The following ST6GALNAC3 variants were observed in gnomAD, a reference collection of about 807,000 sequenced individuals.
ST6GALNAC3 encodes the protein ST6 N-acetylgalactosaminide alpha-2,6-sialyltransferase 3.
Under a neutral mutation model 32.7 loss-of-function variants are expected in ST6GALNAC3, and 25 were observed. That is an observed-to-expected ratio of 0.76 (90% CI 0.56 to 1.07). ST6GALNAC3 has a LOEUF of 1.07. Ranked by LOEUF, ST6GALNAC3 falls within the 50% of genes least tolerant of loss-of-function variation. The pLI is 0.00. For synonymous variants in ST6GALNAC3, 129 were observed against 133.1 expected (o/e 0.97, Z 0.21); for missense variants, 355 against 382.4 (o/e 0.93, Z 0.60).
chr1:76,174,450 A>C (rs1431637818), intron 1 of ST6GALNAC3, among the ~76,000 whole-genome samples: 1 of 151,928 alleles, frequency 6.6e-6, no homozygotes, highest in Non-Finnish European at 1.5e-5. Context: ...TTTTAGAAGA[A>C]ATAAAAAAAT....
At chr1:76,209,849 C>T (rs1293309337) in intron 1 of ST6GALNAC3, among the ~76,000 whole-genome samples, 1 of 152,180 alleles carries the variant, frequency 6.6e-6, no homozygotes, top group Admixed American at 6.5e-5. Context: ...AATCTAAGCC[C>T]CACTCTCTCT....
At chr1:76,184,519 G>GCACACACACACACACACACA (rs71071992) in intron 1 of ST6GALNAC3, among the ~76,000 whole-genome samples, 15 of 134,176 alleles carry the variant, frequency 1.1e-4, no homozygotes, top group Admixed American at 4.6e-4. Flanking sequence ...CTCCTGGGCA[G>GCACACACACACACACACACA]CACACACACA....
chr1:76,091,775 A>G (rs1026448433), intron 1 of ST6GALNAC3, among the ~76,000 whole-genome samples: 6 of 152,236 alleles, frequency 3.9e-5, no homozygotes, highest in African/African-American at 1.2e-4. Context: ...TGGCTATACC[A>G]TGTAGCCTAG....
At chr1:76,350,575 A>C (rs1171423115) in intron 2 of ST6GALNAC3, among the ~76,000 whole-genome samples, 5 of 152,194 alleles carry the variant, frequency 3.3e-5, no homozygotes, top group Non-Finnish European at 7.4e-5. Flanking sequence ...TAATAAAAGA[A>C]TCATCAATAA....
At chr1:76,602,940 C>T (rs1647302038) in intron 3 of ST6GALNAC3, among the ~76,000 whole-genome samples, 1 of 152,076 alleles carries the variant, frequency 6.6e-6, no homozygotes, top group Middle Eastern at 3.4e-3. Flanking sequence ...AGAGGCATTT[C>T]ACAGAAGAAG....
intron 1 of ST6GALNAC3, among the ~76,000 whole-genome samples, chr1:76,157,038 G>T (rs1295796986): frequency 6.6e-6 from 1 of 151,624 alleles, no homozygotes; most frequent in African/African-American, 2.4e-5. Flanking sequence ...GCCAGCCCTG[G>T]CTCCTTTTAT....
At chr1:76,141,926 A>T (rs1411448138) in intron 1 of ST6GALNAC3, among the ~76,000 whole-genome samples, 2 of 152,196 alleles carry the variant, frequency 1.3e-5, no homozygotes, top group Admixed American at 1.3e-4. Context: ...ACAGGGAGGA[A>T]TATACTCACA....
At chr1:76,374,905 G>T (rs369976510) in intron 2 of ST6GALNAC3, among the ~76,000 whole-genome samples, 2 of 151,584 alleles carry the variant, frequency 1.3e-5, no homozygotes, top group Non-Finnish European at 2.9e-5. Context: ...ACCAAAAAAT[G>T]TTTTTTTTGT....
intron 3 of ST6GALNAC3, among the ~76,000 whole-genome samples, chr1:76,586,200 ATATT>A (rs1646960146): frequency 6.6e-6 from 1 of 152,216 alleles, no homozygotes; most frequent in Non-Finnish European, 1.5e-5. Flanking sequence ...TGTATAAACT[ATATT>A]TAGAAGTCTG....
At chr1:76,148,853 C>G (rs1161564468) in intron 1 of ST6GALNAC3, among the ~76,000 whole-genome samples, 1 of 152,182 alleles carries the variant, frequency 6.6e-6, no homozygotes, top group Non-Finnish European at 1.5e-5. Context: ...TAAGGATTAA[C>G]TAAATGAATG....
intron 2 of ST6GALNAC3, among the ~76,000 whole-genome samples, chr1:76,401,903 C>A (rs1316028057): frequency 6.6e-6 from 1 of 152,174 alleles, no homozygotes; most frequent in Non-Finnish European, 1.5e-5. Flanking sequence ...AGAAACAGAG[C>A]TCACCTATTC....
At chr1:76,468,128 C>T (rs1410508343) in intron 3 of ST6GALNAC3, among the ~76,000 whole-genome samples, 3 of 151,814 alleles carry the variant, frequency 2.0e-5, no homozygotes, top group Non-Finnish European at 4.4e-5. Context: ...CATCCCCCTA[C>T]CTTTCAATTC....
chr1:76,550,360 T>C (rs555860554), intron 3 of ST6GALNAC3, among the ~76,000 whole-genome samples: 1 of 152,308 alleles, frequency 6.6e-6, no homozygotes, highest in East Asian at 1.9e-4. Context: ...TCTAATTTTA[T>C]TTTATTTTTT....
chr1:76,440,370 A>G (rs539325851), intron 3 of ST6GALNAC3, among the ~76,000 whole-genome samples: 1 of 152,372 alleles, frequency 6.6e-6, no homozygotes, highest in East Asian at 1.9e-4. Context: ...GTTTTGTGAA[A>G]GAATGTAGCC....
chr1:76,141,435 G>A (rs1650313857), intron 1 of ST6GALNAC3, among the ~76,000 whole-genome samples: 1 of 152,056 alleles, frequency 6.6e-6, no homozygotes, highest in African/African-American at 2.4e-5. Context: ...ACACCTCCTA[G>A]GTCCTGCAAG....
At chr1:76,526,676 A>ACTTT (rs935400858) in intron 3 of ST6GALNAC3, among the ~76,000 whole-genome samples, 4 of 152,116 alleles carry the variant, frequency 2.6e-5, no homozygotes, top group Admixed American at 2.0e-4. Flanking sequence ...ACTTTCAGCT[A>ACTTT]CTTTCTTTCT....
chr1:76,544,138 A>G (rs1664155202), intron 3 of ST6GALNAC3, among the ~76,000 whole-genome samples: 1 of 151,558 alleles, frequency 6.6e-6, no homozygotes, highest in Non-Finnish European at 1.5e-5. Flanking sequence ...CAGGAAATAG[A>G]CATGGTTCTC....
At chr1:76,529,414 G>A (rs1016413568) in intron 3 of ST6GALNAC3, among the ~76,000 whole-genome samples, 1 of 152,086 alleles carries the variant, frequency 6.6e-6, no homozygotes, top group African/African-American at 2.4e-5. Context: ...AAGGTGAAGT[G>A]CTATATAAGT....
intron 3 of ST6GALNAC3, among the ~76,000 whole-genome samples, chr1:76,538,352 T>C (rs187512242): frequency 1.3e-5 from 2 of 152,240 alleles, no homozygotes; most frequent in African/African-American, 4.8e-5. Context: ...ATAAACTAGG[T>C]ATTGATGGAA....
Sources: allele counts gnomAD v4.1 joint callset (sites outside exome capture counted in the v4.1 genomes callset), GRCh38; gene constraint gnomAD v4.1.1; transcripts MANE v1.5; gene names NCBI Gene and HGNC (gene_info 2026-07-23, HGNC 2026-07-21).